Variants in DMD observed in about 807,000 individuals in gnomAD.
DMD encodes dystrophin.
Under a neutral mutation model 330.1 loss-of-function variants are expected in DMD, and 63 were observed. That is an observed-to-expected ratio of 0.19 (90% CI 0.16 to 0.24). The LOEUF is 0.24. Ranked by LOEUF, DMD falls within the 10% of genes least tolerant of loss-of-function variation. The pLI is 1.00. For synonymous variants in DMD, 1,223 were observed against 959.8 expected (o/e 1.27, Z -5.07); for missense variants, 3,344 against 2,684.1 (o/e 1.25, Z -5.43).
chrX:32,575,925 A>G (rs1013757034), intron 13 of DMD, among the ~76,000 whole-genome samples: 6 of 112,171 alleles, frequency 5.3e-5, no homozygotes, highest in African/African-American at 1.9e-4. Flanking sequence ...GTGCTACAAG[A>G]CATATAGTAT....
chrX:31,795,925 G>A (rs920531126), intron 50 of DMD, among the ~76,000 whole-genome samples: 7 of 111,903 alleles, frequency 6.3e-5, no homozygotes, highest in African/African-American at 2.3e-4. Flanking sequence ...AAGAATATAT[G>A]TTAAAGTATA....
chrX:31,718,437 T>C (rs1012990861), intron 52 of DMD, among the ~76,000 whole-genome samples: 5 of 111,160 alleles, frequency 4.5e-5, no homozygotes, highest in Non-Finnish European at 9.4e-5. Flanking sequence ...TGTTATGGAC[T>C]GAATGCTGGC....
At chrX:31,677,117 C>T (rs1308607403) in intron 53 of DMD, among the ~76,000 whole-genome samples, 3 of 109,960 alleles carry the variant, frequency 2.7e-5, no homozygotes, top group African/African-American at 9.9e-5. Flanking sequence ...AATTATAATA[C>T]AATTCTGGTT....
At chrX:31,148,401 T>C (rs1338656760) in intron 74 of DMD, among the ~76,000 whole-genome samples, 1 of 112,578 alleles carries the variant, frequency 8.9e-6, no homozygotes, top group Admixed American at 9.4e-5. Flanking sequence ...CTATTTTAAC[T>C]GCCATAAGGT....
chrX:33,128,205 A>C, intron 1 of DMD: 1 of 1,196,428 alleles, frequency 8.4e-7, no homozygotes, highest in Non-Finnish European at 1.1e-6. Flanking sequence ...CTTCATAGGA[A>C]AGCTTTTTGC....
At chrX:31,802,005 T>C (rs1332881304) in intron 50 of DMD, among the ~76,000 whole-genome samples, 3 of 111,162 alleles carry the variant, frequency 2.7e-5, no homozygotes, top group Non-Finnish European at 5.7e-5. Context: ...GAGACCAATA[T>C]GTGCAATGGC....
intron 1 of DMD, among the ~76,000 whole-genome samples, chrX:33,089,005 G>A (rs1480487823): frequency 9.1e-6 from 1 of 109,609 alleles, no homozygotes; most frequent in East Asian, 2.9e-4. Context: ...TGAAGTTGGC[G>A]GGTTCAAACG....
chrX:32,575,450 T>G (rs942717231), intron 13 of DMD, among the ~76,000 whole-genome samples: 7 of 112,294 alleles, frequency 6.2e-5, no homozygotes, highest in Admixed American at 1.9e-4. Context: ...CTACTCAACT[T>G]ATTTTGAATT....
chrX:32,672,982 T>C (rs753510951), intron 9 of DMD, among the ~76,000 whole-genome samples: 1 of 111,539 alleles, frequency 9.0e-6, no homozygotes, highest in Admixed American at 9.6e-5. Flanking sequence ...AAATCTTTAA[T>C]GGAAGAAAAG....
At position 32,315,793 on chromosome X, in the gene DMD, A is replaced by T. The variant is rs181976151; in HGVS notation, c.5923-5517T>A. Among the ~76,000 whole-genome samples, 452 of 111,310 alleles carry T rather than the reference A, an allele frequency of 4.1e-3. 2 individuals are homozygous for T. The highest frequency in any genetic ancestry group is 0.014 in the South Asian group (36 of 2,652). The stretch of plus-strand genomic sequence containing the variant: ...TCTTCAGAACATTAAACTAAAAACC[A>T]TTTTCACCTATCTTTCAAAGAAAAT... On this transcript the variant is annotated intron_variant, in intron 41 of 78. Coordinates refer to ENST00000357033, the MANE Select transcript of DMD (RefSeq NM_004006.3).
rs747218608 is a variant in DMD at position 32,380,544 on chromosome X, G to A, written c.4811C>T (p.Pro1604Leu). 1 of 1,210,500 alleles carries A rather than the reference G, an allele frequency of 8.3e-7. No individual in the cohort carries two copies. Among genetic ancestry groups the A allele is most frequent in the South Asian group, 1.8e-5 (1 of 56,951 alleles). ...GGCAACTTCAGAATCCAAATTACTA[G>A]GCATTCCTTCAACTGCTGATCTCTT... Reference protein sequence around the residue: ...LTKRSAVEGMPSNLDSEVAWG... With the variant: ...LTKRSAVEGMLSNLDSEVAWG... Residue 1604 changes from proline to leucine, a missense_variant, in exon 34 of 79, where the codon CCT becomes CTT. Transcript: ENST00000357033.
intron 11 of DMD, among the ~76,000 whole-genome samples, chrX:32,628,974 G>C (rs961853809): frequency 8.9e-6 from 1 of 112,016 alleles, no homozygotes; most frequent in Non-Finnish European, 1.9e-5. Context: ...CTGAGAAGAA[G>C]AATATGTACT....
At chrX:32,573,437 T>C (rs1318357029) in intron 15 of DMD, 93 bp downstream of exon 15, 26 of 700,101 alleles carry the variant, frequency 3.7e-5, no homozygotes, top group Non-Finnish European at 2.4e-5. Context: ...AAAATAAACA[T>C]TTAATATTCA....
intron 2 of DMD, among the ~76,000 whole-genome samples, chrX:32,855,311 C>G (rs1409120796): frequency 1.8e-5 from 2 of 111,626 alleles, no homozygotes; most frequent in Non-Finnish European, 3.8e-5. Flanking sequence ...TACTACAAGT[C>G]CTAGCTAGAT....
intron 44 of DMD, among the ~76,000 whole-genome samples, chrX:32,077,187 G>GTTC (rs2096359003): frequency 9.0e-6 from 1 of 111,220 alleles, no homozygotes; most frequent in Non-Finnish European, 1.9e-5. Flanking sequence ...GGGGGCCTCT[G>GTTC]AGGTATCATC....
intron 21 of DMD, among the ~76,000 whole-genome samples, chrX:32,481,728 C>T (rs888659817): frequency 1.8e-5 from 2 of 111,764 alleles, no homozygotes; most frequent in Admixed American, 9.5e-5. Context: ...CCCAGAATCA[C>T]GGTTTCAGAC....
intron 2 of DMD, among the ~76,000 whole-genome samples, chrX:32,959,505 C>T (rs755967930): frequency 8.9e-6 from 1 of 111,741 alleles, no homozygotes; most frequent in African/African-American, 3.3e-5. Flanking sequence ...GCCACTCTTA[C>T]TAAATACTCA....
At chrX:32,393,139 A>G (rs775334776) in intron 30 of DMD, among the ~76,000 whole-genome samples, 2 of 112,209 alleles carry the variant, frequency 1.8e-5, no homozygotes, top group Non-Finnish European at 3.8e-5. Context: ...CTTGGATTCT[A>G]TGACACATTC....
At chrX:32,832,282 T>G (rs909257036) in intron 4 of DMD, among the ~76,000 whole-genome samples, 1 of 111,576 alleles carries the variant, frequency 9.0e-6, no homozygotes, top group African/African-American at 3.2e-5. Flanking sequence ...CCCTGAAATA[T>G]CCTTAAAAGT....
Sources: gnomAD v4.1 joint callset for allele counts (sites outside exome capture counted in the v4.1 genomes callset) on GRCh38, gnomAD v4.1.1 for gene constraint, MANE v1.5 for transcripts, NCBI Gene and HGNC (gene_info 2026-07-23, HGNC 2026-07-21) for gene names.